The following CAMTA1 variants were observed in gnomAD, a reference collection of about 807,000 sequenced individuals.
The protein encoded by CAMTA1 is calmodulin binding transcription activator 1.
In CAMTA1, 27 loss-of-function variants were observed where a neutral mutation model predicts 170.9. The ratio of observed to expected loss-of-function variants is 0.16; its 90% CI spans 0.12 to 0.22. CAMTA1 has a LOEUF of 0.22. CAMTA1 is among the 10% of genes least tolerant of loss of function. The probability of loss-of-function intolerance (pLI) is 1.00; values close to 1 mark genes in which losing one functional copy is unlikely to be tolerated. For synonymous variants in CAMTA1, 833 were observed against 891.5 expected, an observed-to-expected ratio of 0.93 and a Z score of 1.17; for missense variants, 1,619 against 2,217.2, an observed-to-expected ratio of 0.73 and a Z score of 5.42.
chr1:6,982,863 A>C (rs1694679242), intron 3 of CAMTA1, among the ~76,000 whole-genome samples: 1 of 152,152 alleles, frequency 6.6e-6, no homozygotes, highest in Non-Finnish European at 1.5e-5. Flanking sequence ...GCCCAAACTC[A>C]TAGGGCTTGG....
chr1:7,189,537 A>G (rs925343072), intron 4 of CAMTA1, among the ~76,000 whole-genome samples: 2 of 152,244 alleles, frequency 1.3e-5, no homozygotes, highest in Non-Finnish European at 2.9e-5. Context: ...AAAAATGCTC[A>G]GCATCACTAA....
At chr1:7,500,044 C>G (rs2093959805) in intron 6 of CAMTA1, among the ~76,000 whole-genome samples, 1 of 135,154 alleles carries the variant, frequency 7.4e-6, no homozygotes. Flanking sequence ...TTGTGTGAGC[C>G]TGGTGTGCGT....
At chr1:7,375,134 T>A (rs2086748784) in intron 5 of CAMTA1, among the ~76,000 whole-genome samples, 1 of 152,178 alleles carries the variant, frequency 6.6e-6, no homozygotes, top group Non-Finnish European at 1.5e-5. Flanking sequence ...CTTGCAGGGC[T>A]CCTTGGTAGA....
intron 6 of CAMTA1, among the ~76,000 whole-genome samples, chr1:7,502,846 C>G (rs1005452816): frequency 3.3e-5 from 5 of 152,242 alleles, no homozygotes; most frequent in African/African-American, 9.6e-5. Context: ...GCTCAGCACA[C>G]AAGAGCTCCC....
intron 3 of CAMTA1, among the ~76,000 whole-genome samples, chr1:6,902,835 A>G (rs1677426358): frequency 6.6e-6 from 1 of 152,238 alleles, no homozygotes; most frequent in Non-Finnish European, 1.5e-5. Context: ...ATTGTGGAAC[A>G]ACTGCAACTC....
chr1:6,857,667 A>C (rs979284681), intron 3 of CAMTA1, among the ~76,000 whole-genome samples: 24 of 150,740 alleles, frequency 1.6e-4, no homozygotes, highest in African/African-American at 5.7e-4. Context: ...AGGGAAGAGA[A>C]GGCATTCGTT....
chr1:6,924,094 G>T (rs962309202), intron 3 of CAMTA1, among the ~76,000 whole-genome samples: 4 of 152,182 alleles, frequency 2.6e-5, no homozygotes, highest in African/African-American at 9.7e-5. Flanking sequence ...GCTGAGCCTG[G>T]CTGGCCACAC....
At chr1:7,640,891 G>A (rs1230438286) in intron 7 of CAMTA1, among the ~76,000 whole-genome samples, 1 of 152,194 alleles carries the variant, frequency 6.6e-6, no homozygotes, top group Non-Finnish European at 1.5e-5. Flanking sequence ...GGCTGGGGAG[G>A]GAAAGTATGG....
At chr1:7,018,331 G>A (rs1294092952) in intron 3 of CAMTA1, among the ~76,000 whole-genome samples, 1 of 152,158 alleles carries the variant, frequency 6.6e-6, no homozygotes, top group Admixed American at 6.5e-5. Context: ...GACACAGATA[G>A]TGAGGGACAC....
intron 5 of CAMTA1, among the ~76,000 whole-genome samples, chr1:7,303,971 A>G (rs1402593067): frequency 6.6e-6 from 1 of 152,216 alleles, no homozygotes; most frequent in Non-Finnish European, 1.5e-5. Context: ...AAGGACACAC[A>G]CTGCATTCTG....
chr1:6,850,061 G>GT (rs1487728921), intron 3 of CAMTA1, among the ~76,000 whole-genome samples: 1 of 148,818 alleles, frequency 6.7e-6, no homozygotes, highest in Non-Finnish European at 1.5e-5. Context: ...AAAAAAGTTA[G>GT]TTTAGGTCCC....
intron 5 of CAMTA1, among the ~76,000 whole-genome samples, chr1:7,265,767 T>A (rs574289272): frequency 2.3e-4 from 35 of 152,350 alleles, no homozygotes; most frequent in South Asian, 8.3e-4. Context: ...TTATTATATT[T>A]CCACTGGACA....
chr1:6,977,027 C>T (rs1693561501), intron 3 of CAMTA1, among the ~76,000 whole-genome samples: 1 of 152,194 alleles, frequency 6.6e-6, no homozygotes, highest in South Asian at 2.1e-4. Flanking sequence ...GCCTCCCTAG[C>T]CATGTGGAAC....
chr1:7,343,028 G>A (rs1251785134), intron 5 of CAMTA1, among the ~76,000 whole-genome samples: 1 of 152,184 alleles, frequency 6.6e-6, no homozygotes, highest in Non-Finnish European at 1.5e-5. Flanking sequence ...CCTTTTCTCT[G>A]ACCCTACGCA....
intron 5 of CAMTA1, among the ~76,000 whole-genome samples, chr1:7,380,920 A>G (rs538527290): frequency 1.3e-5 from 2 of 152,230 alleles, no homozygotes; most frequent in South Asian, 4.1e-4. Flanking sequence ...GGCTAGTTGG[A>G]ATTTATTGAG....
At chr1:7,606,664 G>T (rs1007315623) in intron 6 of CAMTA1, among the ~76,000 whole-genome samples, 21 of 152,204 alleles carry the variant, frequency 1.4e-4, no homozygotes, top group African/African-American at 5.1e-4. Flanking sequence ...GGAGGAAAAT[G>T]TTGCATGTTC....
At chr1:7,550,219 A>G (rs538345592) in intron 6 of CAMTA1, among the ~76,000 whole-genome samples, 2 of 152,202 alleles carry the variant, frequency 1.3e-5, no homozygotes, top group East Asian at 3.9e-4. Context: ...GAGTGGTAGG[A>G]AGAGAAGCTG....
intron 6 of CAMTA1, among the ~76,000 whole-genome samples, chr1:7,490,417 C>T (rs1382962508): frequency 1.3e-5 from 2 of 152,138 alleles, no homozygotes; most frequent in Admixed American, 6.5e-5. Flanking sequence ...TTTGGGAGGC[C>T]GAGGCAGGCG....
intron 6 of CAMTA1, among the ~76,000 whole-genome samples, chr1:7,623,658 C>G (rs926467314): frequency 2.0e-5 from 3 of 152,350 alleles, no homozygotes; most frequent in African/African-American, 7.2e-5. Flanking sequence ...GCCACCACAC[C>G]CAGCTAATTC....
Sources: allele counts gnomAD v4.1 joint callset (sites outside exome capture counted in the v4.1 genomes callset), GRCh38; gene constraint gnomAD v4.1.1; transcripts MANE v1.5; gene names NCBI Gene and HGNC (gene_info 2026-07-23, HGNC 2026-07-21).